AK5: variants seen among roughly 807,000 people sequenced by gnomAD.
AK5 encodes the protein adenylate kinase isoenzyme 5.
AK5 carries 27 observed loss-of-function variants against 69.5 expected under a neutral mutation model. That is an observed-to-expected ratio of 0.39 (90% CI 0.29 to 0.54). The LOEUF is 0.54. Among genes scored for constraint, AK5 ranks in the 20% least tolerant of loss-of-function variants. The probability of loss-of-function intolerance (pLI) is 0.71; values close to 1 mark genes in which losing one functional copy is unlikely to be tolerated. For synonymous variants in AK5, 260 were observed against 244.4 expected (o/e 1.06, Z -0.60); for missense variants, 531 against 700.4 (o/e 0.76, Z 2.73).
chr1:77,323,482 A>T (rs772519394), intron 5 of AK5, among the ~76,000 whole-genome samples: 12 of 152,216 alleles, frequency 7.9e-5, no homozygotes, highest in Non-Finnish European at 1.3e-4. Context: ...AGAGCCAATC[A>T]TTGATTCTTC....
intron 6 of AK5, among the ~76,000 whole-genome samples, chr1:77,368,264 T>TATATATGTTATATATATGTTATATATA: frequency 1.0e-5 from 1 of 96,630 alleles, no homozygotes; most frequent in Non-Finnish European, 2.1e-5. Context: ...ATATATATGT[T>TATATATGTTATATATATGTTATATATA]ATATATATGT....
intron 10 of AK5, among the ~76,000 whole-genome samples, chr1:77,487,184 T>C (rs1419745323): frequency 6.6e-6 from 1 of 152,206 alleles, no homozygotes; most frequent in Non-Finnish European, 1.5e-5. Context: ...CTCCAGGTTA[T>C]CTCAATTAAT....
At chr1:77,415,504 GT>G (rs1314594347) in intron 7 of AK5, among the ~76,000 whole-genome samples, 1 of 152,156 alleles carries the variant, frequency 6.6e-6, no homozygotes, top group Non-Finnish European at 1.5e-5. Context: ...TAATCATATT[GT>G]GGAAGTAAAG....
chr1:77,529,472 C>T (rs1658463377), intron 12 of AK5, among the ~76,000 whole-genome samples: 1 of 151,908 alleles, frequency 6.6e-6, no homozygotes, highest in South Asian at 2.1e-4. Context: ...TTACAGGTGC[C>T]CACCACCACG....
At chr1:77,456,883 A>G (rs1369232804) in intron 8 of AK5, among the ~76,000 whole-genome samples, 1 of 150,388 alleles carries the variant, frequency 6.6e-6, no homozygotes, top group East Asian at 2.0e-4. Context: ...TCTATGCATC[A>G]CTTCACTTTT....
chr1:77,507,496 T>C (rs1657093680), intron 10 of AK5, among the ~76,000 whole-genome samples: 1 of 152,254 alleles, frequency 6.6e-6, no homozygotes, highest in African/African-American at 2.4e-5. Context: ...CTGAGTAGTC[T>C]GCAATGACTT....
intron 8 of AK5, among the ~76,000 whole-genome samples, chr1:77,470,496 C>A (rs1221207993): frequency 2.0e-5 from 3 of 152,054 alleles, no homozygotes; most frequent in Non-Finnish European, 4.4e-5. Context: ...CAGAGTGAGA[C>A]CCTGACTCAA....
intron 10 of AK5, among the ~76,000 whole-genome samples, chr1:77,498,816 T>G (rs2100751215): frequency 6.6e-6 from 1 of 152,272 alleles, no homozygotes; most frequent in Admixed American, 6.5e-5. Context: ...TAACAGAAGT[T>G]TAGAGGTTAA....
At chr1:77,418,908 A>C (rs1332755163) in intron 8 of AK5, among the ~76,000 whole-genome samples, 1 of 152,214 alleles carries the variant, frequency 6.6e-6, no homozygotes, top group Non-Finnish European at 1.5e-5. Context: ...CAAGTGCTAT[A>C]ATAGCTACAC....
chr1:77,288,509 A>G (rs1658490923), intron 2 of AK5, among the ~76,000 whole-genome samples: 1 of 152,140 alleles, frequency 6.6e-6, no homozygotes, highest in Non-Finnish European at 1.5e-5. Context: ...GTCATGACCT[A>G]CATAGATTTT....
chr1:77,362,747 A>G (rs1015662810), intron 6 of AK5, among the ~76,000 whole-genome samples: 10 of 152,192 alleles, frequency 6.6e-5, no homozygotes, highest in Non-Finnish European at 1.3e-4. Flanking sequence ...CCATGTTTAT[A>G]TGTGTCAAAT....
At chr1:77,327,009 T>C (rs1660839086) in intron 5 of AK5, among the ~76,000 whole-genome samples, 1 of 152,178 alleles carries the variant, frequency 6.6e-6, no homozygotes. Flanking sequence ...CAGAATCTCA[T>C]GGGCAATCAT....
intron 8 of AK5, among the ~76,000 whole-genome samples, chr1:77,446,135 C>A (rs1391959306): frequency 6.6e-6 from 1 of 152,154 alleles, no homozygotes; most frequent in Non-Finnish European, 1.5e-5. Context: ...TCCAATTTCA[C>A]TCTTTTGCAA....
chr1:77,316,307 A>G (rs2100308813), intron 5 of AK5, among the ~76,000 whole-genome samples: 1 of 152,202 alleles, frequency 6.6e-6, no homozygotes, highest in East Asian at 1.9e-4. Flanking sequence ...CTGCTGAAGC[A>G]TGTAGAATGA....
chr1:77,470,826 AATATATAT>A (rs71075744), intron 8 of AK5, among the ~76,000 whole-genome samples: 20 of 51,170 alleles, frequency 3.9e-4, no homozygotes, highest in African/African-American at 1.5e-3. Flanking sequence ...GCACATTTAG[AATATATAT>A]ATATATATAT....
At chr1:77,399,961 A>G (rs11162333) in intron 6 of AK5, among the ~76,000 whole-genome samples, 32,255 of 152,170 alleles carry the variant, frequency 0.21, 3,623 homozygotes, top group East Asian at 0.4. Context: ...TCTTGCAGTC[A>G]ACTTTGCCTG....
Position 77,307,773 on chromosome 1 carries a change from C to T in AK5, c.699+9826C>T, listed in dbSNP as rs745470839. Among the ~76,000 whole-genome samples the T allele has an allele frequency of 7.2e-5, 11 of 152,290 alleles. 1 individual carries two copies. The highest frequency in any genetic ancestry group is 5.8e-4 in the East Asian group (3 of 5,186). Reference sequence around the variant, plus strand: ...CCCAGAGAGGCTCTCAGAACTACACCGCCACTTCCAGGGATGAGGGAGGAG... The same window carrying T: ...CCCAGAGAGGCTCTCAGAACTACACTGCCACTTCCAGGGATGAGGGAGGAG... On this transcript the variant is annotated intron_variant, in intron 5 of 13. Coordinates refer to ENST00000354567, the MANE Select transcript of AK5 (RefSeq NM_174858.3).
intron 12 of AK5, among the ~76,000 whole-genome samples, chr1:77,534,793 C>A (rs1341080458): frequency 6.6e-6 from 1 of 152,186 alleles, no homozygotes; most frequent in East Asian, 1.9e-4. Context: ...CCATGAATAG[C>A]CATTGCACTC....
At chr1:77,405,641 CT>C (rs1649568733) in intron 6 of AK5, among the ~76,000 whole-genome samples, 1 of 152,194 alleles carries the variant, frequency 6.6e-6, no homozygotes, top group Non-Finnish European at 1.5e-5. Context: ...TGAGCCCTGG[CT>C]TCCCAGTGGC....
Sources: allele counts gnomAD v4.1 joint callset (sites outside exome capture counted in the v4.1 genomes callset), GRCh38; gene constraint gnomAD v4.1.1; transcripts MANE v1.5; gene names NCBI Gene and HGNC (gene_info 2026-07-23, HGNC 2026-07-21).